Variants in CLSTN2 observed in about 807,000 individuals in gnomAD.
The protein encoded by CLSTN2 is calsyntenin 2.
CLSTN2 carries 48 observed loss-of-function variants against 101.2 expected under a neutral mutation model. That is an observed-to-expected ratio of 0.47 (90% confidence interval 0.38 to 0.60). CLSTN2 has a LOEUF of 0.60. Ranked by LOEUF, CLSTN2 falls within the 20% of genes least tolerant of loss-of-function variation. The pLI, the probability that CLSTN2 is intolerant of heterozygous loss-of-function variation, is 0.00. For missense variants in CLSTN2, 1,160 were observed against 1,238.2 expected, an observed-to-expected ratio of 0.94 and a Z score of 0.95; for synonymous variants, 481 against 463.6, an observed-to-expected ratio of 1.04 and a Z score of -0.48.
At chr3:140,506,341 T>G (rs1934683569) in intron 8 of CLSTN2, among the ~76,000 whole-genome samples, 1 of 152,178 alleles carries the variant, frequency 6.6e-6, no homozygotes. Context: ...GCCTGAGTCC[T>G]CTGGGATCAT....
chr3:140,371,407 T>C (rs1442159009), intron 2 of CLSTN2, among the ~76,000 whole-genome samples: 2 of 152,272 alleles, frequency 1.3e-5, no homozygotes, highest in Non-Finnish European at 2.9e-5. Flanking sequence ...GGAGCTGTCA[T>C]AACCAAGGAC....
At chr3:140,427,013 GAAAACACAAAATATTAGCC>G (rs2088572069) in intron 5 of CLSTN2, among the ~76,000 whole-genome samples, 3 of 151,170 alleles carry the variant, frequency 2.0e-5, no homozygotes, top group African/African-American at 7.3e-5. Context: ...TGTCTCTACT[GAAAACACAAAATATTAGCC>G]AGGCATGGTG....
At chr3:140,100,899 C>T (rs2008955349) in intron 1 of CLSTN2, among the ~76,000 whole-genome samples, 1 of 152,180 alleles carries the variant, frequency 6.6e-6, no homozygotes, top group African/African-American at 2.4e-5. Flanking sequence ...TGCCCTCATG[C>T]TCCTGGAGAA....
At chr3:140,283,861 T>C (rs2086871213) in intron 2 of CLSTN2, among the ~76,000 whole-genome samples, 1 of 152,210 alleles carries the variant, frequency 6.6e-6, no homozygotes, top group South Asian at 2.1e-4. Context: ...GGCCAGGAAC[T>C]GGGTGTGTGG....
intron 1 of CLSTN2, among the ~76,000 whole-genome samples, chr3:140,143,741 T>C (rs911719000): frequency 1.3e-5 from 2 of 152,188 alleles, no homozygotes; most frequent in African/African-American, 2.4e-5. Flanking sequence ...GATGCTCTGA[T>C]AGCAAACTTC....
chr3:140,450,862 C>T (rs1467614617), intron 6 of CLSTN2, among the ~76,000 whole-genome samples: 1 of 152,178 alleles, frequency 6.6e-6, no homozygotes, highest in Admixed American at 6.5e-5. Flanking sequence ...TTTTTCACGT[C>T]ACCAGGCTGG....
chr3:140,479,299 G>A (rs1280034340), intron 8 of CLSTN2, among the ~76,000 whole-genome samples: 1 of 152,120 alleles, frequency 6.6e-6, no homozygotes, highest in African/African-American at 2.4e-5. Context: ...AGGACTAAGG[G>A]TAAATCTAAA....
chr3:140,065,461 CT>C (rs1192633217), intron 1 of CLSTN2, among the ~76,000 whole-genome samples: 2 of 152,206 alleles, frequency 1.3e-5, no homozygotes, highest in Non-Finnish European at 2.9e-5. Flanking sequence ...AGGAGAAGAA[CT>C]ATCCTTATCT....
intron 2 of CLSTN2, among the ~76,000 whole-genome samples, chr3:140,338,136 G>C (rs1333292796): frequency 6.6e-6 from 1 of 152,154 alleles, no homozygotes; most frequent in Admixed American, 6.5e-5. Context: ...GATGCAGAAG[G>C]TCATTGACCT....
At chr3:140,469,036 C>G (rs763306314) in intron 8 of CLSTN2, among the ~76,000 whole-genome samples, 5 of 152,190 alleles carry the variant, frequency 3.3e-5, no homozygotes, top group Non-Finnish European at 7.3e-5. Flanking sequence ...TTTAGAGGGC[C>G]TCCTTCTCAC....
intron 2 of CLSTN2, among the ~76,000 whole-genome samples, chr3:140,333,022 G>A (rs1407830683): frequency 2.0e-5 from 3 of 152,274 alleles, no homozygotes; most frequent in Non-Finnish European, 4.4e-5. Flanking sequence ...CTGCACTGGG[G>A]TGTTAAGGCC....
At chr3:140,285,012 G>A (rs923256377) in intron 2 of CLSTN2, among the ~76,000 whole-genome samples, 1 of 152,092 alleles carries the variant, frequency 6.6e-6, no homozygotes, top group Non-Finnish European at 1.5e-5. Flanking sequence ...ACTGAGTAGA[G>A]TAAAACAAGG....
At chr3:140,451,792 G>C (rs1009706546) in intron 6 of CLSTN2, among the ~76,000 whole-genome samples, 1 of 152,156 alleles carries the variant, frequency 6.6e-6, no homozygotes, top group Non-Finnish European at 1.5e-5. Context: ...GTGGATGGTA[G>C]ACAAGCTTCT....
At chr3:140,033,136 G>A (rs2007590562) in intron 1 of CLSTN2, among the ~76,000 whole-genome samples, 1 of 152,230 alleles carries the variant, frequency 6.6e-6, no homozygotes, top group Non-Finnish European at 1.5e-5. Flanking sequence ...TAGGAGGACT[G>A]ACACGTAGTA....
In CLSTN2 at chr3:140,142,110, G is replaced by A. The variant is rs139258472; in HGVS notation, c.110-33841G>A. Among the ~76,000 whole-genome samples, 8 of 152,266 alleles carry A rather than the reference G, an allele frequency of 5.3e-5. No individual in the cohort carries two copies. The East Asian group carries it at 5.8e-4, about 11-fold the overall frequency. On this transcript the variant is annotated intron_variant, in intron 1 of 16. Transcript: ENST00000458420. ...TTGTCAGAGTCATATATTCATTTGC[G>A]ATTTGTATAAGGAGACAAGTGGGCT...
chr3:140,487,372 G>C (rs1934259557), intron 8 of CLSTN2, among the ~76,000 whole-genome samples: 1 of 152,182 alleles, frequency 6.6e-6, no homozygotes, highest in African/African-American at 2.4e-5. Context: ...AGGTAAACCA[G>C]CTTCTGAGAA....
intron 1 of CLSTN2, among the ~76,000 whole-genome samples, chr3:140,008,240 A>G (rs760500045): frequency 2.6e-5 from 4 of 152,212 alleles, no homozygotes; most frequent in Admixed American, 6.5e-5. Flanking sequence ...CCTCAAGGGA[A>G]TAGCTGTGAG....
chr3:140,403,705 G>T lies in CLSTN2; in HGVS notation c.309G>T (p.Glu103Asp). 6.2e-7 allele frequency: 1 copy of T among 1,614,188 alleles called. No individual in the cohort carries two copies. The change falls in exon 3 of 17, where the codon GAG (glutamate) becomes GAT (aspartate). Residue 103 changes from glutamate (E) to aspartate (D), a missense_variant. Coordinates refer to ENST00000458420, the MANE Select transcript of CLSTN2 (RefSeq NM_022131.3). ...TGGTGCTCAACAAGACATCAGGAGA[G>T]GGCCGGCTCCGTGCCAAGAGCCCCA... ...EAVVLNKTSGEGRLRAKSPID... is the reference protein window; with the variant it reads ...EAVVLNKTSGDGRLRAKSPID...
chr3:140,436,467 A>ACTGT (rs1303597534), intron 5 of CLSTN2, among the ~76,000 whole-genome samples: 5 of 152,244 alleles, frequency 3.3e-5, no homozygotes, highest in Admixed American at 3.3e-4. Context: ...AGTAGATCGA[A>ACTGT]CTGTCTAGAG....
Sources: allele counts gnomAD v4.1 joint callset (sites outside exome capture counted in the v4.1 genomes callset), GRCh38; gene constraint gnomAD v4.1.1; transcripts MANE v1.5; gene names NCBI Gene and HGNC (gene_info 2026-07-23, HGNC 2026-07-21).